The following PVT1 variants were observed in gnomAD, a reference collection of about 807,000 sequenced individuals.
The protein encoded by PVT1 is CXCR4/PVT1 fusion.
At chr8:127,886,770 TG>T (rs113603713) in intron 2 of PVT1, among the ~76,000 whole-genome samples, 5 of 152,344 alleles carry the variant, frequency 3.3e-5, no homozygotes, top group African/African-American at 1.2e-4. Context: ...TTCCAGAAAC[TG>T]GGTCATCTCA....
At chr8:127,956,050 G>A (rs922409359) in intron 3 of PVT1, among the ~76,000 whole-genome samples, 3 of 152,260 alleles carry the variant, frequency 2.0e-5, no homozygotes. Flanking sequence ...GACAGAGATA[G>A]CCTGGGTTAG....
At chr8:127,862,063 C>A (rs1815234299) in intron 2 of PVT1, among the ~76,000 whole-genome samples, 1 of 152,174 alleles carries the variant, frequency 6.6e-6, no homozygotes, top group Non-Finnish European at 1.5e-5. Flanking sequence ...CTGAGGCAGC[C>A]TCCAATAGTG....
intron 2 of PVT1, among the ~76,000 whole-genome samples, chr8:127,846,400 G>A (rs976123036): frequency 2.0e-5 from 3 of 152,196 alleles, no homozygotes; most frequent in East Asian, 1.9e-4. Flanking sequence ...CTTGGAGGCC[G>A]TGGTTAATCA....
intron 5 of PVT1, among the ~76,000 whole-genome samples, chr8:128,084,592 A>T (rs182762522): frequency 4.7e-4 from 71 of 152,364 alleles, no homozygotes; most frequent in African/African-American, 1.6e-3. Context: ...TCATCAAGGA[A>T]TCCACAGAAA....
intron 3 of PVT1, chr8:127,947,599 GAA>G (rs1179279808): frequency 7.2e-6 from 3 of 413,796 alleles, no homozygotes; most frequent in African/African-American, 6.2e-5. Context: ...TTGGCAGAAT[GAA>G]AGAGTCAGGC....
At chr8:128,075,796 A>G (rs1329672622) in intron 5 of PVT1, among the ~76,000 whole-genome samples, 1 of 152,170 alleles carries the variant, frequency 6.6e-6, no homozygotes, top group Non-Finnish European at 1.5e-5. Context: ...CTATTGTTTC[A>G]TGTGGATGTA....
intron 2 of PVT1, among the ~76,000 whole-genome samples, chr8:127,887,931 GTTTT>G (rs560976785): frequency 1.5e-5 from 1 of 66,578 alleles, no homozygotes; most frequent in Admixed American, 2.7e-4. Context: ...ACTCTATCTT[GTTTT>G]TTTTTTTTTT....
At chr8:128,013,340 A>C (rs1245147029) in intron 4 of PVT1, among the ~76,000 whole-genome samples, 1 of 151,968 alleles carries the variant, frequency 6.6e-6, no homozygotes, top group Non-Finnish European at 1.5e-5. Context: ...TCATTGTAAT[A>C]GCTGCATGTG....
intron 4 of PVT1, chr8:128,049,337 G>C (rs775765019): frequency 2.7e-6 from 1 of 371,582 alleles, no homozygotes; most frequent in Non-Finnish European, 5.5e-6. Flanking sequence ...AGGAAGGCGG[G>C]AGTGTGATGA....
chr8:128,064,018 C>A (rs1813867636), intron 4 of PVT1, among the ~76,000 whole-genome samples: 1 of 152,150 alleles, frequency 6.6e-6, no homozygotes, highest in Non-Finnish European at 1.5e-5. Context: ...ACCCCCATCC[C>A]CACGGATGAG....
intron 4 of PVT1, among the ~76,000 whole-genome samples, chr8:128,060,575 T>C (rs933168122): frequency 6.6e-6 from 1 of 152,206 alleles, no homozygotes; most frequent in Non-Finnish European, 1.5e-5. Flanking sequence ...AGACAACTCC[T>C]CAACCTTCTC....
chr8:127,986,815 A>G (rs1563658272), intron 3 of PVT1, among the ~76,000 whole-genome samples: 2 of 152,178 alleles, frequency 1.3e-5, no homozygotes, highest in South Asian at 2.1e-4. Context: ...TCCATGGAAC[A>G]TTGCTTTGTG....
At chr8:127,827,777 G>A (rs1814807262) in intron 2 of PVT1, among the ~76,000 whole-genome samples, 1 of 152,126 alleles carries the variant, frequency 6.6e-6, no homozygotes, top group South Asian at 2.1e-4. Context: ...TTCTGCAGGA[G>A]CATCTTGCTG....
At chr8:127,870,912 C>T (rs1297375434) in intron 2 of PVT1, among the ~76,000 whole-genome samples, 3 of 152,146 alleles carry the variant, frequency 2.0e-5, no homozygotes, top group African/African-American at 4.8e-5. Context: ...CTGAATATGC[C>T]GTGTGTCCTA....
chr8:127,855,926 C>T (rs1166829489), intron 2 of PVT1, among the ~76,000 whole-genome samples: 1 of 152,216 alleles, frequency 6.6e-6, no homozygotes. Flanking sequence ...TGGTCATGCC[C>T]CACTCCCTTC....
intron 3 of PVT1, among the ~76,000 whole-genome samples, chr8:127,913,823 C>T (rs1181436297): frequency 1.3e-5 from 2 of 152,072 alleles, no homozygotes; most frequent in Non-Finnish European, 2.9e-5. Flanking sequence ...CGTTTCCCAC[C>T]CCATTTTAAT....
At chr8:128,053,303 G>C (rs185269424) in intron 4 of PVT1, among the ~76,000 whole-genome samples, 1 of 151,846 alleles carries the variant, frequency 6.6e-6, no homozygotes, top group Non-Finnish European at 1.5e-5. Flanking sequence ...GAAAAAATGA[G>C]AGTATAGATT....
At chr8:128,086,308 G>T (rs1379917151) in intron 5 of PVT1, among the ~76,000 whole-genome samples, 3 of 152,176 alleles carry the variant, frequency 2.0e-5, no homozygotes, top group African/African-American at 7.2e-5. Flanking sequence ...CATCTAGGGG[G>T]ACAGAAGCAT....
intron 4 of PVT1, among the ~76,000 whole-genome samples, chr8:128,056,378 T>C (rs1201714848): frequency 1.3e-5 from 2 of 152,258 alleles, no homozygotes; most frequent in Admixed American, 6.5e-5. Flanking sequence ...TATGCATACA[T>C]ATGTGTCTGC....
Sources: gnomAD v4.1 joint callset for allele counts (sites outside exome capture counted in the v4.1 genomes callset) on GRCh38, gnomAD v4.1.1 for gene constraint, MANE v1.5 for transcripts, NCBI Gene and HGNC (gene_info 2026-07-23, HGNC 2026-07-21) for gene names.